Variants in AGTPBP1 observed in about 807,000 individuals in gnomAD.
AGTPBP1 encodes the protein cytosolic carboxypeptidase 1.
In AGTPBP1, 70 loss-of-function variants were observed where a neutral mutation model predicts 143.9. That is an observed-to-expected ratio of 0.49 (90% CI 0.40 to 0.59). AGTPBP1 has a LOEUF of 0.59. AGTPBP1 is among the 20% of genes least tolerant of loss of function. The pLI, the probability that AGTPBP1 is intolerant of heterozygous loss-of-function variation, is 0.00. For synonymous variants in AGTPBP1, 463 were observed against 500.2 expected, an observed-to-expected ratio of 0.93 and a Z score of 0.99; for missense variants, 1,229 against 1,464.5, an observed-to-expected ratio of 0.84 and a Z score of 2.62.
At chr9:85,559,540 G>A (rs1055684356) in intron 25 of AGTPBP1, among the ~76,000 whole-genome samples, 2 of 151,880 alleles carry the variant, frequency 1.3e-5, no homozygotes, top group African/African-American at 4.8e-5. Context: ...GTGGTCACAG[G>A]AGAATAGAAA....
chr9:85,561,665 T>C (rs1415817871), intron 25 of AGTPBP1, among the ~76,000 whole-genome samples: 1 of 152,018 alleles, frequency 6.6e-6, no homozygotes, highest in Non-Finnish European at 1.5e-5. Context: ...GGGGGTGGAA[T>C]GCGTGGTGAG....
intron 6 of AGTPBP1, among the ~76,000 whole-genome samples, chr9:85,676,941 G>A (rs1053973782): frequency 6.6e-6 from 1 of 152,142 alleles, no homozygotes; most frequent in Non-Finnish European, 1.5e-5. Flanking sequence ...GGCACAGAAA[G>A]ATAAATATCA....
chr9:85,594,511 A>T (rs1211480946), intron 18 of AGTPBP1, among the ~76,000 whole-genome samples: 2 of 152,156 alleles, frequency 1.3e-5, no homozygotes, highest in Admixed American at 6.6e-5. Flanking sequence ...CCTGGGAGTG[A>T]TGATAAGCTC....
At chr9:85,798,057 A>AT in the AGTPBP1 span, among the ~76,000 whole-genome samples, 5,303 of 135,522 alleles carry the variant, frequency 0.039, 212 homozygotes, top group African/African-American at 0.098. Context: ...CACATCGGCT[A>AT]TTTTTTTTTT....
At chr9:85,574,341 C>G (rs1222751745) in intron 25 of AGTPBP1, among the ~76,000 whole-genome samples, 1 of 152,030 alleles carries the variant, frequency 6.6e-6, no homozygotes, top group Non-Finnish European at 1.5e-5. Flanking sequence ...TGCGGAGGGC[C>G]GCAGGGTCCT....
chr9:85,696,865 T>C (rs1836280969), intron 2 of AGTPBP1, among the ~76,000 whole-genome samples: 1 of 152,222 alleles, frequency 6.6e-6, no homozygotes, highest in South Asian at 2.1e-4. Flanking sequence ...AACTAACCTA[T>C]ACGACACTAT....
intron 2 of AGTPBP1, among the ~76,000 whole-genome samples, chr9:85,710,701 A>ACAAC (rs201229307): frequency 5.3e-5 from 8 of 151,296 alleles, no homozygotes; most frequent in African/African-American, 2.0e-4. Context: ...AACAACAACA[A>ACAAC]AAAAAACAAA....
intron 1 of AGTPBP1, among the ~76,000 whole-genome samples, chr9:85,720,516 A>G (rs1564181107): frequency 6.6e-6 from 1 of 151,848 alleles, no homozygotes; most frequent in Non-Finnish European, 1.5e-5. Flanking sequence ...TATCCCCTTT[A>G]TCATTTGTTA....
intron 14 of AGTPBP1, among the ~76,000 whole-genome samples, chr9:85,622,645 A>G (rs1351614667): frequency 6.6e-6 from 1 of 152,230 alleles, no homozygotes; most frequent in African/African-American, 2.4e-5. Flanking sequence ...GTAGTCTATC[A>G]GGAAAAAAAG....
At chr9:85,692,893 AC>A in intron 2 of AGTPBP1, 80 bp from the exon 3 acceptor site, 4 of 1,483,272 alleles carry the variant, frequency 2.7e-6, no homozygotes, top group Non-Finnish European at 3.7e-6. Context: ...TGTTTAAAAA[AC>A]AATTCTACTC....
chr9:85,800,479 C>A, the AGTPBP1 span, among the ~76,000 whole-genome samples: 2 of 152,262 alleles, frequency 1.3e-5, no homozygotes, highest in African/African-American at 4.8e-5. Flanking sequence ...CTGCTTTCCA[C>A]GTTTCTAAGT....
intron 2 of AGTPBP1, among the ~76,000 whole-genome samples, chr9:85,697,246 T>G (rs1486802550): frequency 6.6e-6 from 1 of 152,116 alleles, no homozygotes; most frequent in Admixed American, 6.5e-5. Flanking sequence ...TAAGAGAATC[T>G]GTTTTCTATT....
At chr9:85,782,445 G>A in the AGTPBP1 span, among the ~76,000 whole-genome samples, 1 of 152,112 alleles carries the variant, frequency 6.6e-6, no homozygotes, top group East Asian at 1.9e-4. Flanking sequence ...AACCCGGGAG[G>A]CAGAGGTTGC....
chr9:85,702,865 A>G (rs901483641), intron 2 of AGTPBP1, among the ~76,000 whole-genome samples: 1 of 152,150 alleles, frequency 6.6e-6, no homozygotes, highest in African/African-American at 2.4e-5. Flanking sequence ...ATTGGTTTAC[A>G]TAATTGTTGA....
rs373411763 is a variant in AGTPBP1 at position 85,715,198 on chromosome 9, A to T, written c.-33-2632T>A. On this transcript the variant is annotated intron_variant, in intron 1 of 25. Coordinates refer to ENST00000357081, the MANE Select transcript of AGTPBP1 (RefSeq NM_001330701.2). ...GAGGCGGAGGTTGCTGTGAGCTGAG[A>T]TCGCACCACTGCACTCCAGCCCGGG... Among the ~76,000 whole-genome samples the T allele has an allele frequency of 4.6e-4, 70 of 151,962 alleles. No individual in the cohort carries two copies. The East Asian group carries it at 0.012, about 26-fold the overall frequency.
the AGTPBP1 span, among the ~76,000 whole-genome samples, chr9:85,791,153 G>A: frequency 6.6e-6 from 1 of 152,126 alleles, no homozygotes; most frequent in Non-Finnish European, 1.5e-5. Context: ...GCTGAGGCAG[G>A]TGGATCACGA....
the AGTPBP1 span, among the ~76,000 whole-genome samples, chr9:85,797,065 A>G: frequency 1.3e-5 from 2 of 152,134 alleles, no homozygotes; most frequent in East Asian, 1.9e-4. Context: ...GATTACAGGC[A>G]TGAGCCACTG....
intron 8 of AGTPBP1, among the ~76,000 whole-genome samples, chr9:85,668,509 T>C (rs1350368271): frequency 6.6e-6 from 1 of 151,984 alleles, no homozygotes; most frequent in Non-Finnish European, 1.5e-5. Context: ...GATTGTAGTA[T>C]TCTGGTTATT....
At chr9:85,721,169 A>T (rs1838088963) in intron 1 of AGTPBP1, among the ~76,000 whole-genome samples, 1 of 152,210 alleles carries the variant, frequency 6.6e-6, no homozygotes, top group South Asian at 2.1e-4. Flanking sequence ...AGTTCTGTAG[A>T]TGTCTATTAG....
Sources: allele counts gnomAD v4.1 joint callset (sites outside exome capture counted in the v4.1 genomes callset), GRCh38; gene constraint gnomAD v4.1.1; transcripts MANE v1.5; gene names NCBI Gene and HGNC (gene_info 2026-07-23, HGNC 2026-07-21).